Variants in BIRC7 observed in about 807,000 individuals in gnomAD.
The protein encoded by BIRC7 is baculoviral IAP repeat-containing protein 7.
BIRC7 carries 26 observed loss-of-function variants against 33.2 expected under a neutral mutation model. The ratio of observed to expected loss-of-function variants is 0.78; its 90% CI spans 0.57 to 1.09. BIRC7 has a LOEUF of 1.09. Among genes scored for constraint, BIRC7 ranks in the 50% least tolerant of loss-of-function variants. BIRC7 has a pLI of 0.00. For missense variants in BIRC7, 409 were observed against 401.2 expected (o/e 1.02, Z -0.17); for synonymous variants, 176 against 171.0 (o/e 1.03, Z -0.23).
At chr20:63,238,039 T>G in intron 2 of BIRC7, 37 bp downstream of exon 2, 1 of 1,510,234 alleles carries the variant, frequency 6.6e-7, no homozygotes, top group Non-Finnish European at 8.9e-7. Flanking sequence ...GGTCTGATCA[T>G]GGGTAGGGGG....
chr20:63,237,138 T>TG (rs1473922965), intron 1 of BIRC7, among the ~76,000 whole-genome samples: 3 of 152,120 alleles, frequency 2.0e-5, no homozygotes, highest in Non-Finnish European at 4.4e-5. Flanking sequence ...CAGTGGGCTC[T>TG]GGCGGGGCAC....
At chr20:63,238,717 C>A in intron 4 of BIRC7, 103 bp downstream of exon 4, 2 of 1,469,534 alleles carry the variant, frequency 1.4e-6, no homozygotes, top group East Asian at 2.3e-5. Flanking sequence ...GGGAGAGTGA[C>A]GGGCACGTGA....
In BIRC7 at chr20:63,239,659, C is replaced by T. The variant is rs556131250; in HGVS notation, c.*5+49C>T. On this transcript the variant is annotated intron_variant, in intron 6 of 6. Transcript: ENST00000217169. ...AGCCAGCCCTCCTGCGGAGGGGGCC[C>T]TGAGCCGGCTGTGCCCGGCCCTCCT... 5.2e-6 allele frequency: 8 copies of T among 1,537,990 alleles called. 1 individual carries two copies. In the Admixed American group the frequency reaches 1.1e-4, roughly 21 times the overall value.
At chr20:63,236,541 C>A in intron 1 of BIRC7, 96 bp downstream of exon 1, 2 of 1,430,848 alleles carry the variant, frequency 1.4e-6, no homozygotes, top group Non-Finnish European at 1.8e-6. Flanking sequence ...GCATCCATCC[C>A]CCAACAGGAA....
chr20:63,236,046 C>T lies in BIRC7; in HGVS notation c.-51C>T. 1 of 1,470,360 alleles carries T rather than the reference C, an allele frequency of 6.8e-7. No individual in the cohort carries two copies. Among genetic ancestry groups the T allele is most frequent in the South Asian group, 1.4e-5 (1 of 72,048 alleles). The allele number at this position is 1,470,360 out of a possible 1,614,324, so 91.1% of individuals were successfully genotyped here. A position where few individuals can be genotyped will look rare whatever the true frequency, so the allele number is the denominator to read the frequency against. On this transcript the variant is annotated 5_prime_UTR_variant, in exon 1 of 7. Transcript: ENST00000217169. Reference sequence around the variant, plus strand: ...CCAGCTGGGCATATTCTGAGATTGGCCATCAGCCCCCATTTCTGCTGCAAA... The same window carrying T: ...CCAGCTGGGCATATTCTGAGATTGGTCATCAGCCCCCATTTCTGCTGCAAA...
chr20:63,238,001 A>G lies in BIRC7; in HGVS notation c.448A>G (p.Ser150Gly), dbSNP rs756157768. The G allele has an allele frequency of 2.2e-5, 35 of 1,591,258 alleles. No individual in the cohort carries two copies. The South Asian group carries it at 4.0e-4, about 18-fold the overall frequency. Residue 150 changes from serine (S) to glycine (G), a missense_variant and splice_region_variant, in exon 2 of 7, where the codon AGC (serine) becomes GGC (glycine). Transcript: ENST00000217169. Reference protein sequence around the residue: ...PWTEHAKWFPSCQFLLRSKGR... With the variant: ...PWTEHAKWFPGCQFLLRSKGR... ...GACGGAGCATGCCAAGTGGTTCCCC[A>G]GGTACCGGCTGCCCCTGCGGGGCCC...
rs372966702 is a variant in BIRC7, at chr20:63,236,123, C to T, written c.27C>T (p.Cys9=). Residue 9 remains cysteine (C), a synonymous_variant, in exon 1 of 7, where the codon TGC becomes TGT. Coordinates refer to ENST00000217169, the MANE Select transcript of BIRC7 (RefSeq NM_139317.3). MGPKDSAK[C]LHRGPQPSHW... is the part of the protein sequence containing the mutation. ...TGGGACCTAAAGACAGTGCCAAGTGCCTGCACCGTGGACCACAGCCGAGCC... is the reference window on the plus strand; with the variant it reads ...TGGGACCTAAAGACAGTGCCAAGTGTCTGCACCGTGGACCACAGCCGAGCC... 9 of 1,574,752 alleles carry T rather than the reference C, an allele frequency of 5.7e-6. No individual in the cohort carries two copies. Among genetic ancestry groups the T allele is most frequent in the Non-Finnish European group, 7.8e-6 (9 of 1,158,520 alleles).
At chr20:63,238,863 T>C (rs759242265) in intron 4 of BIRC7, 13 of 636,994 alleles carry the variant, frequency 2.0e-5, no homozygotes, top group Non-Finnish European at 3.3e-5. Flanking sequence ...GCACAGCCCA[T>C]TGCCTGTCGC....
Position 63,239,439 on chromosome 20 carries a change from G to C in BIRC7, c.731G>C (p.Arg244Pro). The C allele has an allele frequency of 6.2e-7, 1 of 1,606,510 alleles. No individual in the cohort carries two copies. The highest frequency in any genetic ancestry group is 8.5e-7 in the Non-Finnish European group (1 of 1,179,878). ...PGARDVEAQLRRLQEERTCKV... is the reference protein window; with the variant it reads ...PGARDVEAQLPRLQEERTCKV... Reference sequence around the variant, plus strand: ...GCCAGGGATGTGGAGGCGCAGCTGCGGCGGCTGCAGGAGGAGAGGACGTGC... The same window carrying C: ...GCCAGGGATGTGGAGGCGCAGCTGCCGCGGCTGCAGGAGGAGAGGACGTGC... The change falls in exon 6 of 7, where the codon CGG becomes CCG. Residue 244 changes from arginine (R) to proline (P), a missense_variant. Physicochemically the swap from Arg to Pro is moderately radical, Grantham distance 103. Transcript: ENST00000217169.
rs6011691 is a variant in BIRC7 at position 63,236,102 on chromosome 20, A to G, written c.6A>G (p.Gly2=). ...TCAGAGCCAGTGTTCCCTCCATGGG[A>G]CCTAAAGACAGTGCCAAGTGCCTGC... M[G]PKDSAKCLHR... is the part of the protein sequence containing the mutation. The change falls in exon 1 of 7, where the codon GGA becomes GGG. Residue 2 remains glycine, a synonymous_variant. Coordinates refer to ENST00000217169, the MANE Select transcript of BIRC7 (RefSeq NM_139317.3). 0.094 allele frequency: 145,951 copies of G among 1,547,894 alleles called. 7,886 individuals are homozygous for G. The highest frequency in any genetic ancestry group is 0.21 in the African/African-American group (15,160 of 73,418).
chr20:63,237,141 CG>C (rs2066694438), intron 1 of BIRC7, among the ~76,000 whole-genome samples: 2 of 151,974 alleles, frequency 1.3e-5, no homozygotes, highest in Admixed American at 1.3e-4. Flanking sequence ...TGGGCTCTGG[CG>C]GGGCACCATC....
At position 63,239,539 on chromosome 20, in the gene BIRC7, C is replaced by T. The variant is rs768068287; in HGVS notation, c.831C>T (p.Pro277=). ...ACCTGGTCTGTGCTGAGTGTGCCCC[C>T]GGCCTGCAGCTGTGCCCCATCTGCA... ...CGHLVCAECA[P]GLQLCPICRA... is the part of the protein sequence containing the mutation. Residue 277 remains proline (P), a synonymous_variant, in exon 6 of 7, where the codon CCC becomes CCT. Coordinates refer to ENST00000217169, the MANE Select transcript of BIRC7 (RefSeq NM_139317.3). The T allele has an allele frequency of 4.7e-5, 75 of 1,603,956 alleles. No homozygotes were observed. The South Asian group carries it at 4.7e-4, about 10-fold the overall frequency.
At chr20:63,237,313 G>A (rs939713205) in intron 1 of BIRC7, among the ~76,000 whole-genome samples, 1 of 152,210 alleles carries the variant, frequency 6.6e-6, no homozygotes, top group Non-Finnish European at 1.5e-5. Flanking sequence ...GTGCAGAGCC[G>A]GGGTCTTTGG....
chr20:63,239,089 G>A, intron 4 of BIRC7, 73 bp from the exon 5 acceptor site: 1 of 1,479,558 alleles, frequency 6.8e-7, no homozygotes, highest in Non-Finnish European at 9.4e-7. Flanking sequence ...CCCACAGGCT[G>A]CAGACCTGTA....
rs2066729473 is a variant in BIRC7, at chr20:63,240,410, A to C, written c.*160A>C. ...CGACCACCGCCCAGGGTGGAGAAGG[A>C]GGCCCTTGCTTGGCGTGGGGGATGG... On this transcript the variant is annotated 3_prime_UTR_variant, in exon 7 of 7. Coordinates refer to ENST00000217169, the MANE Select transcript of BIRC7 (RefSeq NM_139317.3). 6.6e-6 allele frequency: 1 copy of C among 152,666 alleles called. No homozygotes were observed. The highest frequency in any genetic ancestry group is 1.5e-5 in the Non-Finnish European group (1 of 68,396). The allele number at this position is 152,666 out of a possible 1,614,324, so 9.5% of individuals were successfully genotyped here.
Position 63,239,517 on chromosome 20 carries a change from T to A in BIRC7, c.809T>A (p.Leu270Gln). The A allele has an allele frequency of 6.2e-7, 1 of 1,605,732 alleles. No homozygotes were observed. Among genetic ancestry groups the A allele is most frequent in the Non-Finnish European group, 8.5e-7 (1 of 1,179,808 alleles). The change falls in exon 6 of 7, where the codon CTG becomes CAG. Residue 270 changes from leucine (L) to glutamine (Q), a missense_variant. Transcript: ENST00000217169. ...ATCGTCTTTGTGCCGTGCGGCCACC[T>A]GGTCTGTGCTGAGTGTGCCCCCGGC... is the stretch of plus-strand genomic sequence containing the variant. ...VSIVFVPCGH[L>Q]VCAECAPGLQ...
rs773213702 is a variant in BIRC7, at chr20:63,239,447, CAGG to C, written c.745_747del (p.Glu249del). On this transcript the variant is annotated inframe_deletion, in exon 6 of 7. Transcript: ENST00000217169. ...TGTGGAGGCGCAGCTGCGGCGGCTG[CAGG>C]AGGAGAGGACGTGCAAGGTGTGCCT... 91 of 1,606,802 alleles carry C rather than the reference CAGG, an allele frequency of 5.7e-5. 2 individuals are homozygous for C. The South Asian group carries it at 8.9e-4, about 16-fold the overall frequency.
Position 63,237,939 on chromosome 20 carries a change from G to T in BIRC7, c.386G>T (p.Gly129Val). 1 of 1,608,120 alleles carries T rather than the reference G, an allele frequency of 6.2e-7. No homozygotes were observed. Among genetic ancestry groups the T allele is most frequent in the Admixed American group, 1.7e-5 (1 of 58,714 alleles). ...AAGGTGAGGTGCTTCTTCTGCTATG[G>T]GGGCCTGCAGAGCTGGAAGCGCGGG... The part of the protein sequence containing the change: ...QDKVRCFFCY[G>V]GLQSWKRGDD... The change falls in exon 2 of 7, where the codon GGG becomes GTG. Residue 129 changes from glycine to valine, a missense_variant. Physicochemically the swap from Gly to Val is moderately radical, Grantham distance 109 (BLOSUM62 -3). Transcript: ENST00000217169.
At position 63,239,504 on chromosome 20, in the gene BIRC7, C is replaced by A. The variant is rs755790359; in HGVS notation, c.796C>A (p.Pro266Thr). Residue 266 changes from proline (P) to threonine (T), a missense_variant, in exon 6 of 7, where the codon CCG (proline) becomes ACG (threonine). Pro to Thr is a conservative substitution (Grantham distance 38, BLOSUM62 -1). Coordinates refer to ENST00000217169, the MANE Select transcript of BIRC7 (RefSeq NM_139317.3). ...LDRAVSIVFV[P>T]CGHLVCAECA... ...CCGCGCCGTGTCCATCGTCTTTGTGCCGTGCGGCCACCTGGTCTGTGCTGA... is the reference window on the plus strand; with the variant it reads ...CCGCGCCGTGTCCATCGTCTTTGTGACGTGCGGCCACCTGGTCTGTGCTGA... The A allele has an allele frequency of 8.7e-6, 14 of 1,606,214 alleles. No homozygotes were observed. Among genetic ancestry groups the A allele is most frequent in the Admixed American group, 1.7e-5 (1 of 59,988 alleles).
Sources: allele counts gnomAD v4.1 joint callset (sites outside exome capture counted in the v4.1 genomes callset), GRCh38; gene constraint gnomAD v4.1.1; transcripts MANE v1.5; gene names NCBI Gene and HGNC (gene_info 2026-07-23, HGNC 2026-07-21).